The following NALF1 variants were observed in gnomAD, a reference collection of about 807,000 sequenced individuals.
NALF1 encodes the protein NALCN channel auxiliary factor 1.
A neutral mutation model predicts 48.4 loss-of-function variants in NALF1; 3 were observed. The ratio of observed to expected loss-of-function variants is 0.06; its 90% CI spans 0.03 to 0.16. The LOEUF (loss-of-function observed/expected upper bound fraction) is 0.16, where lower values mean the gene tolerates loss of function less well. Among genes scored for constraint, NALF1 ranks in the 10% least tolerant of loss-of-function variants. NALF1 has a pLI of 1.00. For missense variants in NALF1, 526 were observed against 571.5 expected (o/e 0.92, Z 0.81); for synonymous variants, 262 against 245.7 (o/e 1.07, Z -0.62).
At chr13:107,248,305 C>A (rs1317256246) in intron 1 of NALF1, among the ~76,000 whole-genome samples, 1 of 152,026 alleles carries the variant, frequency 6.6e-6, no homozygotes, top group East Asian at 1.9e-4. Flanking sequence ...GTACCACATC[C>A]AGGTGTTCTC....
In NALF1 at chr13:107,848,989, A is replaced by G. The variant is rs1019071456; in HGVS notation, c.915+16693T>C. ...GAATCATTCATCAAAATATTATGGAACACTGTCCACTTATCTATTGCTGCA... is the reference window on the plus strand; with the variant it reads ...GAATCATTCATCAAAATATTATGGAGCACTGTCCACTTATCTATTGCTGCA... On this transcript the variant is annotated intron_variant, in intron 1 of 2. Coordinates refer to ENST00000375915, the MANE Select transcript of NALF1 (RefSeq NM_001080396.3). Among the ~76,000 whole-genome samples, 2 of 152,176 alleles carry G rather than the reference A, an allele frequency of 1.3e-5. 1 individual carries two copies. The highest frequency in any genetic ancestry group is 4.1e-4 in the South Asian group (2 of 4,828).
At chr13:107,497,351 C>G (rs186574558) in intron 1 of NALF1, among the ~76,000 whole-genome samples, 13 of 152,242 alleles carry the variant, frequency 8.5e-5, no homozygotes, top group African/African-American at 2.6e-4. Context: ...ATATAGAACA[C>G]TATATAATTT....
Position 107,467,007 on chromosome 13 carries a change from T to C in NALF1, c.916-256252A>G, listed in dbSNP as rs115369060. Among the ~76,000 whole-genome samples the C allele has an allele frequency of 6.2e-3, 937 of 152,354 alleles. 10 individuals carry two copies. Among genetic ancestry groups the C allele is most frequent in the African/African-American group, 0.021 (893 of 41,594 alleles). On this transcript the variant is annotated intron_variant, in intron 1 of 2. Transcript: ENST00000375915. Reference sequence around the variant, plus strand: ...TCATTTATGTATGTCCATTTTATATTGCACTTAACTGACAATGATGCATAG... The same window carrying C: ...TCATTTATGTATGTCCATTTTATATCGCACTTAACTGACAATGATGCATAG...
chr13:107,364,517 C>T (rs919008970), intron 1 of NALF1, among the ~76,000 whole-genome samples: 1 of 152,222 alleles, frequency 6.6e-6, no homozygotes, highest in East Asian at 1.9e-4. Flanking sequence ...GCCATCCAGA[C>T]ACGGAGGAGT....
chr13:107,849,713 T>A (rs1373686454), intron 1 of NALF1, among the ~76,000 whole-genome samples: 2 of 152,192 alleles, frequency 1.3e-5, no homozygotes, highest in Non-Finnish European at 2.9e-5. Flanking sequence ...CACTCTCAAT[T>A]GGAGGAGTGT....
At chr13:107,456,463 A>G (rs1361519103) in intron 1 of NALF1, among the ~76,000 whole-genome samples, 4 of 152,300 alleles carry the variant, frequency 2.6e-5, no homozygotes, top group Admixed American at 6.5e-5. Flanking sequence ...TCATATCTCA[A>G]TGAAACTCTC....
chr13:107,305,691 A>G (rs368236469), intron 1 of NALF1, among the ~76,000 whole-genome samples: 1 of 152,248 alleles, frequency 6.6e-6, no homozygotes, highest in South Asian at 2.1e-4. Context: ...GTGGTGACAC[A>G]TAAAACAACA....
chr13:107,247,386 T>A (rs1880606453), intron 1 of NALF1, among the ~76,000 whole-genome samples: 2 of 152,214 alleles, frequency 1.3e-5, no homozygotes, highest in African/African-American at 4.8e-5. Flanking sequence ...CAGATATGAA[T>A]AATCAGTGTT....
chr13:107,378,536 C>T (rs1427692209), intron 1 of NALF1, among the ~76,000 whole-genome samples: 3 of 152,038 alleles, frequency 2.0e-5, no homozygotes, highest in Non-Finnish European at 4.4e-5. Context: ...AAATAGAAGT[C>T]AATTTCTAAA....
intron 1 of NALF1, among the ~76,000 whole-genome samples, chr13:107,307,407 C>A (rs2138899554): frequency 6.6e-6 from 1 of 152,224 alleles, no homozygotes; most frequent in East Asian, 1.9e-4. Context: ...GCAGAAAAAA[C>A]TAACTTAATG....
At chr13:107,583,213 T>C (rs975730801) in intron 1 of NALF1, among the ~76,000 whole-genome samples, 2 of 152,030 alleles carry the variant, frequency 1.3e-5, no homozygotes, top group Admixed American at 1.3e-4. Flanking sequence ...TGAAACATAA[T>C]GTTATATAAA....
At chr13:107,529,824 A>G (rs1479154056) in intron 1 of NALF1, among the ~76,000 whole-genome samples, 1 of 152,062 alleles carries the variant, frequency 6.6e-6, no homozygotes, top group African/African-American at 2.4e-5. Context: ...AGAGCAACAG[A>G]ATGTTGGAAA....
intron 1 of NALF1, among the ~76,000 whole-genome samples, chr13:107,779,615 A>T (rs546629970): frequency 6.6e-6 from 1 of 152,198 alleles, no homozygotes; most frequent in Non-Finnish European, 1.5e-5. Context: ...AAGTGCGTTG[A>T]TTCCTGGCTT....
Position 107,362,431 on chromosome 13 carries a change from G to C in NALF1, c.916-151676C>G, listed in dbSNP as rs1883079766. Among the ~76,000 whole-genome samples the C allele has an allele frequency of 6.6e-6, 1 of 152,100 alleles. No individual in the cohort carries two copies. The highest frequency in any genetic ancestry group is 1.5e-5 in the Non-Finnish European group (1 of 68,012). Reference sequence around the variant, plus strand: ...GTAGCATCTTCGCTTGCCTCCTCCTGACTTTGGAGGTATCAGGCAATCGGT... The same window carrying C: ...GTAGCATCTTCGCTTGCCTCCTCCTCACTTTGGAGGTATCAGGCAATCGGT... On this transcript the variant is annotated intron_variant, in intron 1 of 2. Coordinates refer to ENST00000375915, the MANE Select transcript of NALF1 (RefSeq NM_001080396.3). The surrounding 1 kb of genome is among the most constrained non-coding windows in gnomAD (Gnocchi z 4.6).
chr13:107,830,798 G>A (rs944568903), intron 1 of NALF1, among the ~76,000 whole-genome samples: 2 of 152,212 alleles, frequency 1.3e-5, no homozygotes, highest in African/African-American at 4.8e-5. Flanking sequence ...ACGCATGTGT[G>A]TGTGCAGAGA....
At chr13:107,410,423 C>T (rs775305102) in intron 1 of NALF1, among the ~76,000 whole-genome samples, 4 of 152,078 alleles carry the variant, frequency 2.6e-5, no homozygotes, top group Admixed American at 6.6e-5. Flanking sequence ...ACCAAGAATC[C>T]GTACCTTCCA....
chr13:107,283,036 G>A (rs756729152), intron 1 of NALF1, among the ~76,000 whole-genome samples: 10 of 152,108 alleles, frequency 6.6e-5, no homozygotes, highest in Admixed American at 3.3e-4. Context: ...AATTTTAGAC[G>A]GAAACGGTCA....
intron 1 of NALF1, among the ~76,000 whole-genome samples, chr13:107,653,969 T>C (rs1203440622): frequency 6.6e-6 from 1 of 152,102 alleles, no homozygotes; most frequent in Non-Finnish European, 1.5e-5. Context: ...CCAAGTTATT[T>C]TGTTTCAAAA....
intron 1 of NALF1, among the ~76,000 whole-genome samples, chr13:107,401,025 T>C (rs541649049): frequency 2.6e-5 from 4 of 152,314 alleles, no homozygotes; most frequent in African/African-American, 9.6e-5. Flanking sequence ...TAGTGACCCT[T>C]ATCCATGGTT....
Sources: gnomAD v4.1 joint callset for allele counts (sites outside exome capture counted in the v4.1 genomes callset) on GRCh38, gnomAD v4.1.1 for gene constraint, Gnocchi (gnomAD v3.1) non-coding constraint, MANE v1.5 for transcripts, NCBI Gene and HGNC (gene_info 2026-07-23, HGNC 2026-07-21) for gene names.